The following DCC variants were observed in gnomAD, a reference collection of about 807,000 sequenced individuals.
The protein encoded by DCC is netrin receptor DCC.
A neutral mutation model predicts 172.5 loss-of-function variants in DCC; 58 were observed. That is an observed-to-expected ratio of 0.34 (90% CI 0.27 to 0.42). DCC has a LOEUF of 0.42. Among genes scored for constraint, DCC ranks in the 10% least tolerant of loss-of-function variants. The probability of loss-of-function intolerance (pLI) is 1.00; values close to 1 mark genes in which losing one functional copy is unlikely to be tolerated. For synonymous variants in DCC, 709 were observed against 644.5 expected, an observed-to-expected ratio of 1.10 and a Z score of -1.52; for missense variants, 1,740 against 1,791.0, an observed-to-expected ratio of 0.97 and a Z score of 0.51.
At chr18:52,966,235 A>T (rs1471388715) in intron 5 of DCC, among the ~76,000 whole-genome samples, 1 of 152,190 alleles carries the variant, frequency 6.6e-6, no homozygotes, top group Non-Finnish European at 1.5e-5. Context: ...ATAAAGAGAC[A>T]TTGCTTATAA....
rs922479801 is a variant in DCC, at chr18:53,534,009, T to C, written c.*3356T>C. The stretch of plus-strand genomic sequence containing the variant: ...CAATAAAGAATCTCTTAAGTACAGG[T>C]ATTTCTGGAAGCTGTTGGTGTCTGT... On this transcript the variant is annotated 3_prime_UTR_variant, in exon 29 of 29. Coordinates refer to ENST00000442544, the MANE Select transcript of DCC (RefSeq NM_005215.4). 3 of 152,218 alleles carry C rather than the reference T, an allele frequency of 2.0e-5. No individual in the cohort carries two copies. The highest frequency in any genetic ancestry group is 2.0e-4 in the Admixed American group (3 of 15,282). 9.4% of individuals were successfully genotyped at this position (152,218 alleles called of 1,614,324 possible). A position where few individuals can be genotyped will look rare whatever the true frequency, so the allele number is the denominator to read the frequency against.
chr18:53,215,666 C>A, intron 12 of DCC, 69 bp downstream of exon 12: 2 of 1,272,174 alleles, frequency 1.6e-6, no homozygotes, highest in Non-Finnish European at 1.2e-6. Context: ...CCTTCACTCA[C>A]CCAACTGCTG....
At chr18:53,058,563 AAAATGGGACAAATAGATCCC>A (rs1336269959) in intron 5 of DCC, among the ~76,000 whole-genome samples, 2 of 152,166 alleles carry the variant, frequency 1.3e-5, no homozygotes, top group African/African-American at 4.8e-5. Flanking sequence ...AAGCAATCCC[AAAATGGGACAAATAGATCCC>A]AGATCCTAGT....
rs952801631 is a variant in DCC at position 52,837,633 on chromosome 18, C to G, written c.413-68411C>G. Among the ~76,000 whole-genome samples the G allele has an allele frequency of 3.3e-5, 5 of 152,306 alleles. No individual in the cohort carries two copies. The East Asian group carries it at 9.7e-4, about 29-fold the overall frequency. On this transcript the variant is annotated intron_variant, in intron 2 of 28. Coordinates refer to ENST00000442544, the MANE Select transcript of DCC (RefSeq NM_005215.4). ...TTGGTCAAAGCCATTCAACAAGTCT[C>G]TAGGAAGTTCCAAACTTTCCCATAT...
Position 53,483,155 on chromosome 18 carries a change from C to G in DCC, c.3737-3642C>G, listed in dbSNP as rs543563750. ...GAATTTATAACATTTTGGCTGGTATCTGGTTTGAATCTCTGATTCTTTTTA... is the reference window on the plus strand; with the variant it reads ...GAATTTATAACATTTTGGCTGGTATGTGGTTTGAATCTCTGATTCTTTTTA... On this transcript the variant is annotated intron_variant, in intron 25 of 28. Coordinates refer to ENST00000442544, the MANE Select transcript of DCC (RefSeq NM_005215.4). Among the ~76,000 whole-genome samples, 12 of 151,976 alleles carry G rather than the reference C, an allele frequency of 7.9e-5. No homozygotes were observed. In the South Asian group the frequency reaches 2.5e-3, roughly 32 times the overall value.
intron 1 of DCC, among the ~76,000 whole-genome samples, chr18:52,441,419 G>T (rs1306432284): frequency 2.6e-5 from 4 of 152,092 alleles, no homozygotes; most frequent in African/African-American, 9.7e-5. Flanking sequence ...ATGAAGTGTT[G>T]TTATGGATTT....
intron 15 of DCC, among the ~76,000 whole-genome samples, chr18:53,344,623 G>A (rs2057701960): frequency 6.6e-6 from 1 of 151,108 alleles, no homozygotes. Flanking sequence ...TGTATTTTTA[G>A]TGGAGACGGG....
intron 13 of DCC, among the ~76,000 whole-genome samples, chr18:53,320,091 G>C (rs1238524458): frequency 2.2e-5 from 1 of 45,678 alleles, no homozygotes; most frequent in African/African-American, 9.7e-5. Context: ...TTTTTTTTTT[G>C]AGATGGAGTC....
intron 1 of DCC, among the ~76,000 whole-genome samples, chr18:52,593,867 A>G (rs1407086025): frequency 6.6e-6 from 1 of 152,236 alleles, no homozygotes; most frequent in Non-Finnish European, 1.5e-5. Context: ...CCACTTATCT[A>G]TAGGTAGTAA....
intron 7 of DCC, among the ~76,000 whole-genome samples, chr18:53,093,965 A>AT (rs2043049102): frequency 1.3e-5 from 2 of 152,190 alleles, no homozygotes; most frequent in Non-Finnish European, 2.9e-5. Context: ...GTCTGACAGA[A>AT]TAACTAATAG....
chr18:52,373,887 CATTTTTT>C (rs1985232619), intron 1 of DCC, among the ~76,000 whole-genome samples: 1 of 141,114 alleles, frequency 7.1e-6, no homozygotes. Flanking sequence ...TTGGTTGCAT[CATTTTTT>C]TTTTTTTTTT....
At chr18:52,793,495 T>G (rs2037814974) in intron 2 of DCC, among the ~76,000 whole-genome samples, 1 of 152,226 alleles carries the variant, frequency 6.6e-6, no homozygotes, top group South Asian at 2.1e-4. Context: ...GTATTTGTTT[T>G]TTGGCTGTTG....
rs569759993 is a variant in DCC, at chr18:53,156,683, T to G, written c.1262-673T>G. 2.8e-4 allele frequency among the ~76,000 whole-genome samples: 43 copies of G among 152,298 alleles called. No individual in the cohort carries two copies. In the South Asian group the frequency reaches 8.7e-3, roughly 31 times the overall value. On this transcript the variant is annotated intron_variant, in intron 7 of 28. Coordinates refer to ENST00000442544, the MANE Select transcript of DCC (RefSeq NM_005215.4). ...AGATTATGGCCCTCTTAGCTCTTCT[T>G]AGAACTGTTAAAAATGCCAATAGGT...
At chr18:53,057,724 A>C (rs2042430292) in intron 5 of DCC, among the ~76,000 whole-genome samples, 1 of 152,156 alleles carries the variant, frequency 6.6e-6, no homozygotes, top group South Asian at 2.1e-4. Context: ...TTAAAAATTC[A>C]TGGTACTTTT....
chr18:53,339,593 C>A (rs2057631819), intron 14 of DCC, 120 bp from the exon 15 acceptor site: 1 of 806,502 alleles, frequency 1.2e-6, no homozygotes, highest in Non-Finnish European at 2.2e-6. Context: ...GTGACTTGGG[C>A]AATAGGTGAT....
At chr18:53,402,433 G>T (rs1415748241) in intron 18 of DCC, among the ~76,000 whole-genome samples, 1 of 151,394 alleles carries the variant, frequency 6.6e-6, no homozygotes, top group Non-Finnish European at 1.5e-5. Flanking sequence ...ACTAGAAAAA[G>T]ATATGTAATC....
intron 12 of DCC, among the ~76,000 whole-genome samples, chr18:53,243,728 C>T (rs1337966541): frequency 5.9e-5 from 9 of 152,158 alleles, no homozygotes; most frequent in South Asian, 4.1e-4. Context: ...GGAGTATTAA[C>T]GACATAATGT....
chr18:52,488,377 G>C (rs374378000), intron 1 of DCC, among the ~76,000 whole-genome samples: 1 of 152,062 alleles, frequency 6.6e-6, no homozygotes, highest in South Asian at 2.1e-4. Flanking sequence ...AACGTAACTG[G>C]GTTTTTTCCT....
rs748153525 is a variant in DCC, at chr18:52,962,892, A to G, written c.985+37522A>G. ...ACACTGCATGTTCTCACTCATAGGTAGGAATTGAACAATGAGAACACATGG... is the reference window on the plus strand; with the variant it reads ...ACACTGCATGTTCTCACTCATAGGTGGGAATTGAACAATGAGAACACATGG... On this transcript the variant is annotated intron_variant, in intron 5 of 28. Transcript: ENST00000442544. Among the ~76,000 whole-genome samples the G allele has an allele frequency of 6.8e-5, 10 of 147,038 alleles. No individual in the cohort carries two copies. The East Asian group carries it at 1.7e-3, about 25-fold the overall frequency.
Sources: gnomAD v4.1 joint callset for allele counts (sites outside exome capture counted in the v4.1 genomes callset) on GRCh38, gnomAD v4.1.1 for gene constraint, MANE v1.5 for transcripts, NCBI Gene and HGNC (gene_info 2026-07-23, HGNC 2026-07-21) for gene names.